FYN: variants seen among roughly 807,000 people sequenced by gnomAD.
FYN encodes tyrosine-protein kinase Fyn.
A neutral mutation model predicts 70.2 loss-of-function variants in FYN; 10 were observed. The observed-to-expected ratio is 0.14, with a 90% CI of 0.09 to 0.24. The LOEUF is 0.24. Among genes scored for constraint, FYN ranks in the 10% least tolerant of loss-of-function variants. The pLI is 1.00. For missense variants in FYN, 319 were observed against 673.1 expected, an observed-to-expected ratio of 0.47 and a Z score of 5.82; for synonymous variants, 236 against 248.6, an observed-to-expected ratio of 0.95 and a Z score of 0.48.
intron 3 of FYN, among the ~76,000 whole-genome samples, chr6:111,722,396 A>C (rs706901): frequency 0.13 from 20,091 of 152,220 alleles, 2,579 homozygotes; most frequent in African/African-American, 0.33. Flanking sequence ...ATGATGTACT[A>C]AAGGAATTTC....
chr6:111,773,630 AGAGGGGGAGGGGGAGG>A, intron 3 of FYN, among the ~76,000 whole-genome samples: 1 of 18,560 alleles, frequency 5.4e-5, no homozygotes, highest in East Asian at 4.9e-3. Context: ...GGGGGAAAGG[AGAGGGGGAGGGGGAGG>A]GAGAGGGGAA....
chr6:111,715,012 G>C (rs1800562538), intron 4 of FYN, among the ~76,000 whole-genome samples: 1 of 152,082 alleles, frequency 6.6e-6, no homozygotes, highest in Non-Finnish European at 1.5e-5. Context: ...TTGCAGTTTT[G>C]TGCTGCTCGC....
chr6:111,769,003 A>T (rs1803336304), intron 3 of FYN, among the ~76,000 whole-genome samples: 1 of 152,172 alleles, frequency 6.6e-6, no homozygotes, highest in Admixed American at 6.5e-5. Context: ...GGGGAAAGAG[A>T]AGAAACCAAG....
At chr6:111,855,413 AG>A (rs1363518474) in intron 1 of FYN, among the ~76,000 whole-genome samples, 1 of 152,248 alleles carries the variant, frequency 6.6e-6, no homozygotes, top group Non-Finnish European at 1.5e-5. Context: ...AATGTTACTT[AG>A]AATGTGTTAT....
chr6:111,836,491 G>A (rs755720472), intron 2 of FYN, among the ~76,000 whole-genome samples: 9 of 152,172 alleles, frequency 5.9e-5, no homozygotes, highest in Non-Finnish European at 1.0e-4. Flanking sequence ...TAGGCTGTGC[G>A]CGGTGGTTCA....
chr6:111,694,227 CT>C lies in FYN; in HGVS notation c.1273+147del. The C allele has an allele frequency of 1.0e-6, 1 of 984,252 alleles. No homozygotes were observed. Among genetic ancestry groups the C allele is most frequent in the Non-Finnish European group, 1.5e-6 (1 of 666,148 alleles). The allele number at this position is 984,252 out of a possible 1,614,324, so 61.0% of individuals were successfully genotyped here. Reference sequence around the variant, plus strand: ...TCCCACCTGCAGAGCTGTCAAATTCCTGCCAGATCAAGGTGTCCAAACCAAG... The same window carrying C: ...TCCCACCTGCAGAGCTGTCAAATTCCGCCAGATCAAGGTGTCCAAACCAAG... On this transcript the variant is annotated intron_variant, in intron 12 of 13. Coordinates refer to ENST00000354650, the MANE Select transcript of FYN (RefSeq NM_002037.5). The surrounding 1 kb of genome is among the most constrained non-coding windows in gnomAD (Gnocchi z 5.0).
At chr6:111,727,198 T>G (rs865922357) in intron 3 of FYN, among the ~76,000 whole-genome samples, 2 of 152,128 alleles carry the variant, frequency 1.3e-5, no homozygotes, top group Middle Eastern at 3.2e-3. Flanking sequence ...CCATACTAGG[T>G]GCAGTGAGTC....
intron 1 of FYN, among the ~76,000 whole-genome samples, chr6:111,871,549 CA>C (rs1398229004): frequency 5.3e-5 from 8 of 152,204 alleles, no homozygotes; most frequent in Admixed American, 5.2e-4. Context: ...AAGGGTAAAA[CA>C]ACATCACTGG....
intron 2 of FYN, among the ~76,000 whole-genome samples, chr6:111,786,298 G>T (rs1303678026): frequency 3.3e-5 from 5 of 152,032 alleles, no homozygotes; most frequent in African/African-American, 1.2e-4. Context: ...CTATGAGTGA[G>T]AACATGCGGT....
intron 2 of FYN, among the ~76,000 whole-genome samples, chr6:111,827,970 C>A (rs992554521): frequency 1.3e-5 from 2 of 152,172 alleles, no homozygotes; most frequent in African/African-American, 4.8e-5. Context: ...GCTGTCCAAC[C>A]AGTGCAGTCC....
intron 12 of FYN, among the ~76,000 whole-genome samples, chr6:111,678,412 G>C (rs1269430325): frequency 6.6e-6 from 1 of 151,974 alleles, no homozygotes; most frequent in Non-Finnish European, 1.5e-5. Context: ...TAAATGTGTC[G>C]ATGTTTTAAA....
chr6:111,703,080 C>A (rs1799915652), intron 7 of FYN, 46 bp from the exon 8 acceptor site: 1 of 1,590,714 alleles, frequency 6.3e-7, no homozygotes, highest in African/African-American at 1.4e-5. Context: ...TTTAGAGTAT[C>A]AGCTTGCTTT....
chr6:111,801,114 C>T (rs1562526522), intron 2 of FYN, among the ~76,000 whole-genome samples: 1 of 152,142 alleles, frequency 6.6e-6, no homozygotes, highest in Non-Finnish European at 1.5e-5. Flanking sequence ...TACATTTAGC[C>T]ACTGAGAGTC....
At chr6:111,706,949 A>C (rs1238939710) in intron 6 of FYN, among the ~76,000 whole-genome samples, 1 of 152,218 alleles carries the variant, frequency 6.6e-6, no homozygotes, top group Admixed American at 6.5e-5. Context: ...TGGGAAACAA[A>C]ACAGATCCTC....
At position 111,796,050 on chromosome 6, in the gene FYN, C is replaced by T. The variant is rs186617926; in HGVS notation, c.-81-15415G>A. Among the ~76,000 whole-genome samples, 41 of 152,310 alleles carry T rather than the reference C, an allele frequency of 2.7e-4. No homozygotes were observed. The East Asian group carries it at 4.4e-3, about 17-fold the overall frequency. ...CTTATTAATAACCCAATGGCTTAGACTCTATCACTATTTTTTTCAGTTGAA... is the reference window on the plus strand; with the variant it reads ...CTTATTAATAACCCAATGGCTTAGATTCTATCACTATTTTTTTCAGTTGAA... On this transcript the variant is annotated intron_variant, in intron 2 of 13. Transcript: ENST00000354650.
intron 3 of FYN, among the ~76,000 whole-genome samples, chr6:111,721,472 C>T (rs706898): frequency 0.096 from 14,547 of 152,034 alleles, 2,155 homozygotes; most frequent in African/African-American, 0.32. Context: ...CTCTGTTGCC[C>T]AGGCTGGAGT....
chr6:111,858,417 C>T (rs754902432), intron 1 of FYN: 24 of 152,284 alleles, frequency 1.6e-4, no homozygotes, highest in Non-Finnish European at 2.9e-4. Context: ...CCTTCCAACC[C>T]AGGAAGCAAT....
rs530468669 is a variant in FYN, at chr6:111,734,188, T to G, written c.-11-14126A>C. On this transcript the variant is annotated intron_variant, in intron 3 of 13. Coordinates refer to ENST00000354650, the MANE Select transcript of FYN (RefSeq NM_002037.5). ...ATGCTGAAGGAGCCCAAAGACCTTT[T>G]GCACACATTGAGCAGAACCACTGAG... is the stretch of plus-strand genomic sequence containing the variant. Among the ~76,000 whole-genome samples, 5 of 152,270 alleles carry G rather than the reference T, an allele frequency of 3.3e-5. No homozygotes were observed. The East Asian group carries it at 5.8e-4, about 18-fold the overall frequency.
chr6:111,807,208 A>G (rs1349697529), intron 2 of FYN, among the ~76,000 whole-genome samples: 1 of 152,198 alleles, frequency 6.6e-6, no homozygotes, highest in Non-Finnish European at 1.5e-5. Flanking sequence ...GTTACATTTC[A>G]TATCTTGAGT....
Sources: allele counts gnomAD v4.1 joint callset (sites outside exome capture counted in the v4.1 genomes callset), GRCh38; gene constraint gnomAD v4.1.1; non-coding constraint Gnocchi (gnomAD v3.1); transcripts MANE v1.5; gene names NCBI Gene and HGNC (gene_info 2026-07-23, HGNC 2026-07-21).